Variants in KIF17 observed in about 807,000 individuals in gnomAD.
The protein encoded by KIF17 is kinesin-like protein KIF17.
Under a neutral mutation model 96.8 loss-of-function variants are expected in KIF17, and 80 were observed. The ratio of observed to expected loss-of-function variants is 0.83; its 90% CI spans 0.69 to 1.00. The LOEUF is 1.00. Among genes scored for constraint, KIF17 ranks in the 50% least tolerant of loss-of-function variants. The pLI is 0.00. For synonymous variants in KIF17, 567 were observed against 587.5 expected, an observed-to-expected ratio of 0.97 and a Z score of 0.51; for missense variants, 1,280 against 1,372.9, an observed-to-expected ratio of 0.93 and a Z score of 1.07.
intron 5 of KIF17, among the ~76,000 whole-genome samples, chr1:20,703,178 A>ACGGATGG (rs1557600805): frequency 5.2e-5 from 7 of 135,794 alleles, no homozygotes; most frequent in African/African-American, 2.1e-4. Flanking sequence ...TGGATGGATG[A>ACGGATGG]ATGGATGGAC....
chr1:20,673,533 AT>A lies in KIF17; in HGVS notation c.2464-1338del, dbSNP rs35306944. Among the ~76,000 whole-genome samples, 297 of 134,708 alleles carry A rather than the reference AT, an allele frequency of 2.2e-3. 1 individual carries two copies. The highest frequency in any genetic ancestry group is 2.8e-3 in the Admixed American group (37 of 13,294). The allele number at this position is 134,708 out of a possible 152,430, so 88.4% of individuals were successfully genotyped here. A position where few individuals can be genotyped will look rare whatever the true frequency, so the allele number is the denominator to read the frequency against. On this transcript the variant is annotated intron_variant, in intron 11 of 14. Transcript: ENST00000400463. ...GAGCTACAGTGGCCCAGCCTGCTCC[AT>A]TTTTTTTTTTTTTTTTGAGACAGAT...
chr1:20,678,964 CCT>C (rs950182369), intron 11 of KIF17, among the ~76,000 whole-genome samples: 16 of 150,952 alleles, frequency 1.1e-4, no homozygotes, highest in Admixed American at 2.0e-4. Context: ...ATTTTTGCCC[CCT>C]GTTTTTGTGC....
rs1261338046 is a variant in KIF17 at position 20,687,821 on chromosome 1, G to A, written c.1505C>T (p.Ser502Phe). The part of the protein sequence containing the change: ...YETVVKPKVF[S>F]TTDTLPSDDV... ...GTCACTGGGCAGAGTGTCAGTCGTG[G>A]AGAAGACCTTGGGTTTCACCACTGT... The change falls in exon 8 of 15, where the codon TCC becomes TTC. Residue 502 changes from serine to phenylalanine, a missense_variant. Ser to Phe is a radical substitution (Grantham distance 155, BLOSUM62 -2). Transcript: ENST00000400463. The surrounding 1 kb of genome is among the most constrained non-coding windows in gnomAD (Gnocchi z 4.4). The A allele has an allele frequency of 6.2e-7, 1 of 1,614,036 alleles. No individual in the cohort carries two copies. The highest frequency in any genetic ancestry group is 2.2e-5 in the East Asian group (1 of 44,886).
chr1:20,664,163 TCAGA>T lies in KIF17; in HGVS notation c.*417_*420del, dbSNP rs1264575498. ...GGCAGTGCTTAGGAAGTGGGGCCAG[TCAGA>T]CAGAGGCACAGTTCCTTCCCAGCTG... is the stretch of plus-strand genomic sequence containing the variant. On this transcript the variant is annotated 3_prime_UTR_variant, in exon 15 of 15. Coordinates refer to ENST00000400463, the MANE Select transcript of KIF17 (RefSeq NM_001122819.3). 6.0e-6 allele frequency: 2 copies of T among 332,648 alleles called. No individual in the cohort carries two copies. The highest frequency in any genetic ancestry group is 2.1e-5 in the African/African-American group (1 of 46,914). The allele number at this position is 332,648 out of a possible 1,614,324, so 20.6% of individuals were successfully genotyped here. A position where few individuals can be genotyped will look rare whatever the true frequency, so the allele number is the denominator to read the frequency against.
chr1:20,700,713 G>A lies in KIF17; in HGVS notation c.1124-2225C>T, dbSNP rs896354267. 1.3e-5 allele frequency among the ~76,000 whole-genome samples: 2 copies of A among 152,120 alleles called. No individual in the cohort carries two copies. Among genetic ancestry groups the A allele is most frequent in the Non-Finnish European group, 1.5e-5 (1 of 68,024 alleles). On this transcript the variant is annotated intron_variant, in intron 5 of 14. Transcript: ENST00000400463. This position sits in a 1 kb window ranked among gnomAD's most constrained non-coding sequence, Gnocchi z 4.6. ...GGTTAGACTGCCCTTCAGGGCGAGC[G>A]AATTCCTAGAAACCGTAAACCACGA...
chr1:20,675,545 A>G, intron 11 of KIF17, among the ~76,000 whole-genome samples: 1 of 152,174 alleles, frequency 6.6e-6, no homozygotes, highest in Non-Finnish European at 1.5e-5. Context: ...TCCTCATGCC[A>G]GTACCACACA....
chr1:20,686,260 C>T (rs542134895), intron 8 of KIF17, 134 bp from the exon 9 acceptor site: 1 of 740,442 alleles, frequency 1.4e-6, no homozygotes, highest in Non-Finnish European at 2.4e-6. Flanking sequence ...CCTGTCACTC[C>T]CGAGAGAAGG....
At chr1:20,703,557 T>C (rs545553404) in intron 5 of KIF17, among the ~76,000 whole-genome samples, 3 of 149,462 alleles carry the variant, frequency 2.0e-5, no homozygotes, top group Non-Finnish European at 4.4e-5. Context: ...AGTGGGTGGA[T>C]GGATGGATGA....
chr1:20,682,543 G>T, intron 11 of KIF17, 110 bp downstream of exon 11: 1 of 874,096 alleles, frequency 1.1e-6, no homozygotes. Context: ...TGCCTGCTGT[G>T]TAAAGAGTAG....
chr1:20,664,811 G>A, intron 14 of KIF17, 49 bp from the exon 15 acceptor site: 1 of 1,555,362 alleles, frequency 6.4e-7, no homozygotes. Context: ...CGCAGGGATG[G>A]AGAGAAAATG....
chr1:20,692,909 G>C (rs374665318), intron 6 of KIF17: 4 of 150,856 alleles, frequency 2.7e-5, no homozygotes, highest in African/African-American at 9.7e-5. Context: ...GAGTAGCTGG[G>C]ACTACAGGCG....
intron 5 of KIF17, among the ~76,000 whole-genome samples, chr1:20,701,211 A>G (rs2054229333): frequency 6.6e-6 from 1 of 152,150 alleles, no homozygotes. Context: ...AGGCGGGCGA[A>G]TCACGAGGTC....
intron 11 of KIF17, among the ~76,000 whole-genome samples, chr1:20,680,129 C>A (rs532758609): frequency 6.6e-6 from 1 of 152,102 alleles, no homozygotes; most frequent in African/African-American, 2.4e-5. Flanking sequence ...AGATTACAGG[C>A]ATAAGCCACC....
At chr1:20,717,135 C>A (rs2054590820) in intron 1 of KIF17, among the ~76,000 whole-genome samples, 1 of 152,192 alleles carries the variant, frequency 6.6e-6, no homozygotes, top group East Asian at 1.9e-4. Flanking sequence ...TCGAGACCAG[C>A]CTGGCCAACA....
At chr1:20,695,859 C>T (rs1247007967) in intron 6 of KIF17, among the ~76,000 whole-genome samples, 1 of 152,154 alleles carries the variant, frequency 6.6e-6, no homozygotes, top group Non-Finnish European at 1.5e-5. Flanking sequence ...TTCCTTGGCC[C>T]CACATCCCCC....
chr1:20,670,923 A>G (rs565976584), intron 12 of KIF17, among the ~76,000 whole-genome samples: 1 of 152,324 alleles, frequency 6.6e-6, no homozygotes, highest in African/African-American at 2.4e-5. Context: ...GGCTGGAGAA[A>G]GAGCCACAGC....
At position 20,690,305 on chromosome 1, in the gene KIF17, C is replaced by T. The variant is rs967670614; in HGVS notation, c.1264G>A (p.Ala422Thr). 2 of 1,265,866 alleles carry T rather than the reference C, an allele frequency of 1.6e-6. No homozygotes were observed. Among genetic ancestry groups the T allele is most frequent in the Non-Finnish European group, 2.1e-6 (2 of 955,252 alleles). The allele number at this position is 1,265,866 out of a possible 1,614,324, so 78.4% of individuals were successfully genotyped here. ...EYEERLARLKADYKAEQESRA... is the reference protein window; with the variant it reads ...EYEERLARLKTDYKAEQESRA... ...GACTCCTGCTCGGCCTTATAGTCGGCTTTCAGCCGGGCCAGGCGCTCTTCA... is the reference window on the plus strand; with the variant it reads ...GACTCCTGCTCGGCCTTATAGTCGGTTTTCAGCCGGGCCAGGCGCTCTTCA... Residue 422 changes from alanine (A) to threonine (T), a missense_variant, in exon 7 of 15, where the codon GCC becomes ACC. Transcript: ENST00000400463.
intron 10 of KIF17, among the ~76,000 whole-genome samples, chr1:20,683,718 C>T (rs751180787): frequency 3.9e-5 from 6 of 152,272 alleles, no homozygotes; most frequent in Non-Finnish European, 7.4e-5. Context: ...CCCAAGCACC[C>T]GAGGAGGGCA....
chr1:20,706,089 A>G (rs765608105), intron 4 of KIF17, among the ~76,000 whole-genome samples: 42 of 150,392 alleles, frequency 2.8e-4, no homozygotes, highest in Non-Finnish European at 5.6e-4. Context: ...CTTTCTTTTT[A>G]GAGATACGGT....
Sources: gnomAD v4.1 joint callset for allele counts (sites outside exome capture counted in the v4.1 genomes callset) on GRCh38, gnomAD v4.1.1 for gene constraint, Gnocchi (gnomAD v3.1) non-coding constraint, MANE v1.5 for transcripts, NCBI Gene and HGNC (gene_info 2026-07-23, HGNC 2026-07-21) for gene names.